The following FTO variants were observed in gnomAD, a reference collection of about 807,000 sequenced individuals.
FTO encodes alpha-ketoglutarate-dependent dioxygenase FTO.
Under a neutral mutation model 63.9 loss-of-function variants are expected in FTO, and 47 were observed. The observed-to-expected ratio is 0.74, with a 90% confidence interval of 0.58 to 0.94. FTO has a LOEUF of 0.94. Ranked by LOEUF, FTO falls within the 40% of genes least tolerant of loss-of-function variation. The pLI is 0.00. For synonymous variants in FTO, 207 were observed against 224.4 expected, an observed-to-expected ratio of 0.92 and a Z score of 0.69; for missense variants, 562 against 618.1, an observed-to-expected ratio of 0.91 and a Z score of 0.96.
intron 8 of FTO, among the ~76,000 whole-genome samples, chr16:53,967,464 G>A (rs893931764): frequency 6.6e-6 from 1 of 152,152 alleles, no homozygotes; most frequent in Non-Finnish European, 1.5e-5. Context: ...GAGAGCTAGG[G>A]ACAGAGATAT....
chr16:53,763,926 C>T (rs766015364), intron 1 of FTO, among the ~76,000 whole-genome samples: 1 of 152,066 alleles, frequency 6.6e-6, no homozygotes, highest in Non-Finnish European at 1.5e-5. Context: ...AAAGCGATGC[C>T]CTGGAAAGAA....
At chr16:53,806,460 G>A (rs1421249591) in intron 1 of FTO, among the ~76,000 whole-genome samples, 1 of 152,084 alleles carries the variant, frequency 6.6e-6, no homozygotes, top group African/African-American at 2.4e-5. Flanking sequence ...TTGTGTTTCT[G>A]TATGCAAATA....
At chr16:53,924,346 G>T (rs2082086515) in intron 7 of FTO, among the ~76,000 whole-genome samples, 1 of 152,106 alleles carries the variant, frequency 6.6e-6, no homozygotes, top group African/African-American at 2.4e-5. Flanking sequence ...CTCTCAGCTA[G>T]CCCCCTTAGC....
chr16:53,919,460 G>A (rs1384121092), intron 7 of FTO, among the ~76,000 whole-genome samples: 3 of 152,134 alleles, frequency 2.0e-5, no homozygotes, highest in Non-Finnish European at 4.4e-5. Context: ...TGATCCAGCA[G>A]TCCCACTACT....
intron 2 of FTO, among the ~76,000 whole-genome samples, chr16:53,824,568 T>C (rs1280139388): frequency 6.6e-6 from 1 of 152,140 alleles, no homozygotes; most frequent in Non-Finnish European, 1.5e-5. Context: ...ACAGGGACCT[T>C]GTTTCCATCT....
At chr16:53,834,451 T>A (rs2079234741) in intron 3 of FTO, among the ~76,000 whole-genome samples, 1 of 152,208 alleles carries the variant, frequency 6.6e-6, no homozygotes, top group Non-Finnish European at 1.5e-5. Flanking sequence ...CATATTGGTA[T>A]TAATTAGCTA....
At chr16:54,030,557 C>T (rs746206072) in intron 8 of FTO, among the ~76,000 whole-genome samples, 4 of 151,662 alleles carry the variant, frequency 2.6e-5, no homozygotes, top group Non-Finnish European at 4.4e-5. Flanking sequence ...ACTTAGTCCT[C>T]ATTTTTTTTT....
intron 3 of FTO, among the ~76,000 whole-genome samples, chr16:53,840,957 T>C (rs1184243255): frequency 6.6e-6 from 1 of 151,512 alleles, no homozygotes; most frequent in Admixed American, 6.6e-5. Context: ...GAAATATGGT[T>C]GAGGTCAAGC....
At chr16:53,873,143 G>A (rs1192046771) in intron 4 of FTO, among the ~76,000 whole-genome samples, 2 of 152,140 alleles carry the variant, frequency 1.3e-5, no homozygotes, top group Non-Finnish European at 2.9e-5. Flanking sequence ...TGATTATGGA[G>A]GGAAAGAGGC....
intron 8 of FTO, among the ~76,000 whole-genome samples, chr16:53,956,281 G>A (rs902398441): frequency 2.0e-5 from 3 of 152,122 alleles, no homozygotes; most frequent in Non-Finnish European, 4.4e-5. Context: ...CTGTTTTGCC[G>A]TTGATATGCT....
intron 1 of FTO, among the ~76,000 whole-genome samples, chr16:53,704,807 G>T (rs1402416446): frequency 6.6e-6 from 1 of 152,138 alleles, no homozygotes; most frequent in African/African-American, 2.4e-5. Flanking sequence ...TTTATTGTGG[G>T]TCAGGCACTG....
In FTO at chr16:53,965,297, A is replaced by G. The variant is rs145853354; in HGVS notation, c.1364+31188A>G. Among the ~76,000 whole-genome samples, 190 of 152,174 alleles carry G rather than the reference A, an allele frequency of 1.2e-3. 4 individuals are homozygous for G. The East Asian group carries it at 0.029, about 23-fold the overall frequency. ...CACCATATTGGCCAGGTTGGTCTTGAACTCCTGACCTTGTGATCCGCCCAC... is the reference window on the plus strand; with the variant it reads ...CACCATATTGGCCAGGTTGGTCTTGGACTCCTGACCTTGTGATCCGCCCAC... On this transcript the variant is annotated intron_variant, in intron 8 of 8. Coordinates refer to ENST00000471389, the MANE Select transcript of FTO (RefSeq NM_001080432.3).
chr16:54,023,263 A>G (rs1488668062), intron 8 of FTO, among the ~76,000 whole-genome samples: 1 of 152,162 alleles, frequency 6.6e-6, no homozygotes, highest in Non-Finnish European at 1.5e-5. Flanking sequence ...TTTATTCATG[A>G]CTTTCCTTAG....
At chr16:53,767,053 T>G (rs1313525655) in intron 1 of FTO, among the ~76,000 whole-genome samples, 1 of 152,150 alleles carries the variant, frequency 6.6e-6, no homozygotes, top group Non-Finnish European at 1.5e-5. Context: ...ATTGATTAAG[T>G]GTCTGATGAG....
chr16:53,871,376 GT>G (rs1188136161), intron 4 of FTO, among the ~76,000 whole-genome samples: 1 of 151,872 alleles, frequency 6.6e-6, no homozygotes, highest in African/African-American at 2.4e-5. Context: ...ATTTTGCATA[GT>G]TTTTATTTTT....
chr16:54,005,024 C>T (rs2065106994), intron 8 of FTO, among the ~76,000 whole-genome samples: 1 of 147,760 alleles, frequency 6.8e-6, no homozygotes, highest in Admixed American at 6.8e-5. Flanking sequence ...GAGCCGAGAT[C>T]GCGCCACGGC....
chr16:53,731,843 G>A (rs1449818181), intron 1 of FTO, among the ~76,000 whole-genome samples: 1 of 150,902 alleles, frequency 6.6e-6, no homozygotes, highest in Non-Finnish European at 1.5e-5. Context: ...CTCCTCCTGG[G>A]TTCACGCCAT....
chr16:53,893,651 T>A (rs554778879), intron 7 of FTO, among the ~76,000 whole-genome samples: 13 of 152,226 alleles, frequency 8.5e-5, no homozygotes, highest in Non-Finnish European at 1.6e-4. Flanking sequence ...TTTATTCATT[T>A]CCTATTGACC....
At chr16:54,002,635 C>G (rs2084094463) in intron 8 of FTO, among the ~76,000 whole-genome samples, 1 of 152,198 alleles carries the variant, frequency 6.6e-6, no homozygotes, top group African/African-American at 2.4e-5. Flanking sequence ...TCCAGAATCA[C>G]TTCAGATCTT....
Sources: gnomAD v4.1 joint callset for allele counts (sites outside exome capture counted in the v4.1 genomes callset) on GRCh38, gnomAD v4.1.1 for gene constraint, MANE v1.5 for transcripts, NCBI Gene and HGNC (gene_info 2026-07-23, HGNC 2026-07-21) for gene names.